The following CNTN3 variants were observed in gnomAD, a reference collection of about 807,000 sequenced individuals.
CNTN3 encodes contactin 3.
CNTN3 carries 60 observed loss-of-function variants against 119.1 expected under a neutral mutation model. That is an observed-to-expected ratio of 0.50 (90% CI 0.41 to 0.62). The LOEUF is 0.62. Ranked by LOEUF, CNTN3 falls within the 20% of genes least tolerant of loss-of-function variation. CNTN3 has a pLI of 0.00. For synonymous variants in CNTN3, 450 were observed against 438.7 expected (o/e 1.03, Z -0.32); for missense variants, 1,101 against 1,242.4 (o/e 0.89, Z 1.71).
intron 13 of CNTN3, among the ~76,000 whole-genome samples, chr3:74,327,298 T>G (rs1043637287): frequency 2.6e-5 from 4 of 151,820 alleles, no homozygotes; most frequent in African/African-American, 9.7e-5. Context: ...CTGGCTAATT[T>G]TTGTATTTTT....
chr3:74,470,307 A>G (rs1702536674), intron 4 of CNTN3, among the ~76,000 whole-genome samples: 1 of 152,188 alleles, frequency 6.6e-6, no homozygotes, highest in African/African-American at 2.4e-5. Context: ...ACGGAATTGT[A>G]TACTCTAAAC....
chr3:74,525,521 A>C (rs187269860), intron 1 of CNTN3, among the ~76,000 whole-genome samples: 3 of 151,906 alleles, frequency 2.0e-5, no homozygotes, highest in African/African-American at 7.2e-5. Context: ...ATAAATACAA[A>C]GGAAGCTACT....
chr3:74,412,044 T>C lies in CNTN3; in HGVS notation c.454+12801A>G, dbSNP rs116580303. 1.8e-3 allele frequency among the ~76,000 whole-genome samples: 267 copies of C among 152,334 alleles called. 1 individual carries two copies. Among genetic ancestry groups the C allele is most frequent in the African/African-American group, 6.1e-3 (252 of 41,586 alleles). ...TTAGAAGAAACAAGCAATTTACTTATAGCTACAATAGAATTAGGTATAGTT... is the reference window on the plus strand; with the variant it reads ...TTAGAAGAAACAAGCAATTTACTTACAGCTACAATAGAATTAGGTATAGTT... On this transcript the variant is annotated intron_variant, in intron 5 of 22. Coordinates refer to ENST00000263665, the MANE Select transcript of CNTN3 (RefSeq NM_020872.3).
chr3:74,520,120 T>C (rs1025035112), intron 2 of CNTN3, among the ~76,000 whole-genome samples: 3 of 151,520 alleles, frequency 2.0e-5, no homozygotes, highest in African/African-American at 7.3e-5. Context: ...TCAGGTATCA[T>C]GAAGAAATTA....
intron 1 of CNTN3, among the ~76,000 whole-genome samples, chr3:74,604,381 T>C (rs1435332798): frequency 6.6e-6 from 1 of 152,064 alleles, no homozygotes; most frequent in Admixed American, 6.6e-5. Flanking sequence ...AGACAATCCA[T>C]GGACTAGAGA....
intron 13 of CNTN3, among the ~76,000 whole-genome samples, chr3:74,324,239 T>C (rs1189243049): frequency 6.6e-6 from 1 of 150,638 alleles, no homozygotes; most frequent in Non-Finnish European, 1.5e-5. Context: ...TGAGACAGAG[T>C]TTTGCTCTGT....
intron 1 of CNTN3, among the ~76,000 whole-genome samples, chr3:74,613,826 T>A (rs1178425649): frequency 6.6e-6 from 1 of 152,178 alleles, no homozygotes; most frequent in African/African-American, 2.4e-5. Context: ...AAACCTGGAC[T>A]ACAGCGCAGC....
chr3:74,463,327 A>C (rs534788815), intron 4 of CNTN3, among the ~76,000 whole-genome samples: 2 of 152,240 alleles, frequency 1.3e-5, no homozygotes, highest in East Asian at 3.9e-4. Flanking sequence ...TGGCTGATAG[A>C]TAACTTCAAT....
intron 11 of CNTN3, among the ~76,000 whole-genome samples, chr3:74,353,776 A>T (rs183771833): frequency 6.6e-6 from 1 of 152,192 alleles, no homozygotes; most frequent in East Asian, 1.9e-4. Context: ...TTAATTAATT[A>T]ATTAAATAAA....
intron 1 of CNTN3, among the ~76,000 whole-genome samples, chr3:74,575,672 A>G (rs1046745116): frequency 7.0e-6 from 1 of 142,156 alleles, no homozygotes; most frequent in Non-Finnish European, 1.5e-5. Flanking sequence ...GGGCTTTTAT[A>G]GTCCTTTGAT....
chr3:74,374,671 T>G (rs1575669568), intron 5 of CNTN3, among the ~76,000 whole-genome samples: 1 of 152,074 alleles, frequency 6.6e-6, no homozygotes, highest in Non-Finnish European at 1.5e-5. Context: ...GAAGAAAAAA[T>G]TCACCATTTA....
chr3:74,339,308 C>T (rs896356416), intron 11 of CNTN3, among the ~76,000 whole-genome samples: 1 of 152,062 alleles, frequency 6.6e-6, no homozygotes, highest in Non-Finnish European at 1.5e-5. Flanking sequence ...ACATCAGGAC[C>T]TCTGCCTCTC....
In CNTN3 at chr3:74,278,373, G is replaced by A. The variant is rs549321433; in HGVS notation, c.2704+6932C>T. ...TTTCAAACTATACTATAAGGCCATA[G>A]TCACCAAAACAGCATGGTACTGGTA... On this transcript the variant is annotated intron_variant, in intron 20 of 22. Transcript: ENST00000263665. Among the ~76,000 whole-genome samples, 7 of 152,232 alleles carry A rather than the reference G, an allele frequency of 4.6e-5. No individual in the cohort carries two copies. The East Asian group carries it at 1.4e-3, about 29-fold the overall frequency.
At chr3:74,421,025 T>C (rs1701607682) in intron 5 of CNTN3, among the ~76,000 whole-genome samples, 1 of 152,122 alleles carries the variant, frequency 6.6e-6, no homozygotes, top group Non-Finnish European at 1.5e-5. Context: ...GACTCTAATG[T>C]ACATTATCAC....
chr3:74,507,775 G>A (rs1703291649), intron 2 of CNTN3, among the ~76,000 whole-genome samples: 1 of 151,750 alleles, frequency 6.6e-6, no homozygotes, highest in Non-Finnish European at 1.5e-5. Flanking sequence ...GGGATTATAG[G>A]TGCCAGCTGC....
At chr3:74,364,402 C>T (rs1252820821) in intron 10 of CNTN3, 65 bp downstream of exon 10, 10 of 1,482,974 alleles carry the variant, frequency 6.7e-6, no homozygotes, top group African/African-American at 1.4e-5. Flanking sequence ...AATATTACTG[C>T]TTCTGGAAAC....
chr3:74,355,519 G>T (rs1397687572), intron 11 of CNTN3, among the ~76,000 whole-genome samples: 1 of 151,816 alleles, frequency 6.6e-6, no homozygotes, highest in African/African-American at 2.4e-5. Context: ...CAGTGGCAAG[G>T]TCTCGGTACA....
chr3:74,354,579 G>A (rs17012416), intron 11 of CNTN3, among the ~76,000 whole-genome samples: 8,985 of 152,000 alleles, frequency 0.059, 438 homozygotes, highest in East Asian at 0.21. Context: ...CAAAAACATT[G>A]ACACCTGGTG....
intron 4 of CNTN3, among the ~76,000 whole-genome samples, chr3:74,451,840 T>C (rs62267350): frequency 1.2e-3 from 172 of 138,642 alleles, no homozygotes; most frequent in South Asian, 1.9e-3. Context: ...TGCGGCATTA[T>C]TTCTGAGGGC....
Sources: gnomAD v4.1 joint callset for allele counts (sites outside exome capture counted in the v4.1 genomes callset) on GRCh38, gnomAD v4.1.1 for gene constraint, MANE v1.5 for transcripts, NCBI Gene and HGNC (gene_info 2026-07-23, HGNC 2026-07-21) for gene names.